Variants in SND1 observed in about 807,000 individuals in gnomAD.
SND1 encodes staphylococcal nuclease and tudor domain containing 1.
Under a neutral mutation model 121.7 loss-of-function variants are expected in SND1, and 38 were observed. That is an observed-to-expected ratio of 0.31 (90% CI 0.24 to 0.41). The LOEUF (loss-of-function observed/expected upper bound fraction) is 0.41, where lower values mean the gene tolerates loss of function less well. SND1 is among the 10% of genes least tolerant of loss of function. The probability of loss-of-function intolerance (pLI) is 1.00; values close to 1 mark genes in which losing one functional copy is unlikely to be tolerated. For missense variants in SND1, 868 were observed against 1,184.6 expected, an observed-to-expected ratio of 0.73 and a Z score of 3.92; for synonymous variants, 401 against 447.4, an observed-to-expected ratio of 0.90 and a Z score of 1.31.
At chr7:127,920,858 C>CAAAA (rs34784173) in intron 14 of SND1, among the ~76,000 whole-genome samples, 1 of 120,396 alleles carries the variant, frequency 8.3e-6, no homozygotes, top group Non-Finnish European at 1.7e-5. Flanking sequence ...CTTATCTTAA[C>CAAAA]AAAAAAAAAA....
chr7:127,839,425 G>A (rs1798924816), intron 11 of SND1, among the ~76,000 whole-genome samples: 1 of 152,124 alleles, frequency 6.6e-6, no homozygotes, highest in Non-Finnish European at 1.5e-5. Flanking sequence ...ATGTGGCTCT[G>A]CAGTTGTTTT....
At chr7:127,792,914 C>G (rs942225392) in intron 10 of SND1, among the ~76,000 whole-genome samples, 1 of 152,242 alleles carries the variant, frequency 6.6e-6, no homozygotes, top group African/African-American at 2.4e-5. Context: ...TCTTCCAGTT[C>G]TGGCTCTCTC....
At chr7:127,676,044 C>T (rs1222428129) in intron 1 of SND1, among the ~76,000 whole-genome samples, 1 of 152,178 alleles carries the variant, frequency 6.6e-6, no homozygotes, top group Non-Finnish European at 1.5e-5. Flanking sequence ...GTCTAAGCTA[C>T]AGTCTTGATT....
Position 128,030,035 on chromosome 7 carries a change from G to A in SND1, c.1779+38979G>A, listed in dbSNP as rs759912275. 19 of 1,613,262 alleles carry A rather than the reference G, an allele frequency of 1.2e-5. No individual in the cohort carries two copies. The South Asian group carries it at 1.9e-4, about 16-fold the overall frequency. On this transcript the variant is annotated intron_variant, in intron 16 of 23. Coordinates refer to ENST00000354725, the MANE Select transcript of SND1 (RefSeq NM_014390.4). ...TGTCTTTAATGTTGCACATGCCCAA[G>A]TTCAGATACTTGAGGTTGAACAGCC... is the stretch of plus-strand genomic sequence containing the variant.
In SND1 at chr7:127,817,518, G is replaced by GA. The variant is rs571851517; in HGVS notation, c.1242+9953dup. Reference sequence around the variant, plus strand: ...CTCTGCTGATACCCATTTGCCTGCAGAAAAAAAATCTGATTCCTTAAATGA... The same window carrying GA: ...CTCTGCTGATACCCATTTGCCTGCAGAAAAAAAAATCTGATTCCTTAAATGA... On this transcript the variant is annotated intron_variant, in intron 11 of 23. Transcript: ENST00000354725. Among the ~76,000 whole-genome samples the GA allele has an allele frequency of 2.2e-3, 340 of 151,806 alleles. 1 individual carries two copies. Among genetic ancestry groups the GA allele is most frequent in the Non-Finnish European group, 3.3e-3 (224 of 67,928 alleles).
intron 14 of SND1, among the ~76,000 whole-genome samples, chr7:127,914,124 G>A (rs966974015): frequency 6.6e-5 from 10 of 152,176 alleles, no homozygotes; most frequent in Admixed American, 5.2e-4. Flanking sequence ...GCCTGAAAAT[G>A]TAAGCTATTA....
At chr7:127,890,007 G>A (rs540492526) in intron 13 of SND1, among the ~76,000 whole-genome samples, 10 of 152,120 alleles carry the variant, frequency 6.6e-5, no homozygotes, top group African/African-American at 2.4e-4. Flanking sequence ...ATATCTCTTC[G>A]ATATACTAAT....
intron 16 of SND1, among the ~76,000 whole-genome samples, chr7:128,026,591 T>C (rs1020665277): frequency 6.6e-6 from 1 of 152,182 alleles, no homozygotes; most frequent in Non-Finnish European, 1.5e-5. Context: ...AAAACATGTT[T>C]AGATTATTTA....
chr7:127,846,151 T>C (rs780122674), intron 12 of SND1, among the ~76,000 whole-genome samples: 30 of 152,220 alleles, frequency 2.0e-4, no homozygotes, highest in Non-Finnish European at 3.7e-4. Context: ...TTGGTCTTAA[T>C]TGACAACCTA....
At chr7:127,810,501 C>T (rs1293307411) in intron 11 of SND1, among the ~76,000 whole-genome samples, 1 of 152,154 alleles carries the variant, frequency 6.6e-6, no homozygotes, top group African/African-American at 2.4e-5. Flanking sequence ...TTAATTTCTT[C>T]ACAGGCTCAT....
At chr7:127,978,265 G>A (rs1057205015) in intron 15 of SND1, among the ~76,000 whole-genome samples, 8 of 152,114 alleles carry the variant, frequency 5.3e-5, no homozygotes, top group East Asian at 1.9e-4. Flanking sequence ...AGGGGTTGGC[G>A]CTCAGTGGTA....
intron 11 of SND1, among the ~76,000 whole-genome samples, chr7:127,819,503 G>A (rs1798506804): frequency 6.6e-6 from 1 of 152,198 alleles, no homozygotes; most frequent in Non-Finnish European, 1.5e-5. Flanking sequence ...TTTTAAAAAT[G>A]TAGTTTTCCT....
At chr7:127,674,024 TCTC>T (rs1007358118) in intron 1 of SND1, among the ~76,000 whole-genome samples, 3 of 151,104 alleles carry the variant, frequency 2.0e-5, no homozygotes, top group African/African-American at 7.3e-5. Flanking sequence ...TCTCCTTCCT[TCTC>T]CTCCCTCCCT....
rs1406373914 is a variant in SND1, at chr7:127,756,372, T to A, written c.1152+34972T>A. On this transcript the variant is annotated intron_variant, in intron 10 of 23. Coordinates refer to ENST00000354725, the MANE Select transcript of SND1 (RefSeq NM_014390.4). ...ATGTTTATGAAAGGAATTTATCATC[T>A]AAGATAAACTGGGGCAGGAGAGCAG... Among the ~76,000 whole-genome samples, 3 of 152,254 alleles carry A rather than the reference T, an allele frequency of 2.0e-5. No individual in the cohort carries two copies. The East Asian group carries it at 5.8e-4, about 29-fold the overall frequency.
intron 13 of SND1, among the ~76,000 whole-genome samples, chr7:127,888,573 C>CATGCAT (rs1799953121): frequency 6.6e-6 from 1 of 152,146 alleles, no homozygotes. Context: ...GCCCCAAGGA[C>CATGCAT]ATGCATGCTG....
chr7:127,897,767 A>G lies in SND1; in HGVS notation c.1455-6980A>G, dbSNP rs1800148865. 2.0e-5 allele frequency among the ~76,000 whole-genome samples: 3 copies of G among 152,100 alleles called. No homozygotes were observed. The South Asian group carries it at 6.2e-4, about 32-fold the overall frequency. On this transcript the variant is annotated intron_variant, in intron 13 of 23. Coordinates refer to ENST00000354725, the MANE Select transcript of SND1 (RefSeq NM_014390.4). ...TATCTAGCAACAGGGGATTGATTAA[A>G]ATTTTGAACCATACATCCATATATG...
At chr7:127,742,959 A>G (rs1796911053) in intron 10 of SND1, among the ~76,000 whole-genome samples, 1 of 152,206 alleles carries the variant, frequency 6.6e-6, no homozygotes, top group Non-Finnish European at 1.5e-5. Flanking sequence ...GTTGTGAGGT[A>G]GAAACCAAAG....
intron 9 of SND1, 144 bp downstream of exon 9, chr7:127,707,791 G>A: frequency 1.7e-6 from 1 of 604,048 alleles, no homozygotes; most frequent in Non-Finnish European, 3.0e-6. Context: ...GTGTGTGTGT[G>A]TGTGTGTGTG....
intron 16 of SND1, among the ~76,000 whole-genome samples, chr7:128,040,437 T>TAAAAAAAA (rs67595921): frequency 1.5e-4 from 5 of 32,896 alleles, no homozygotes; most frequent in African/African-American, 3.6e-4. Context: ...GTCCTATCTT[T>TAAAAAAAA]AAAAAAAAAA....
Sources: gnomAD v4.1 joint callset for allele counts (sites outside exome capture counted in the v4.1 genomes callset) on GRCh38, gnomAD v4.1.1 for gene constraint, MANE v1.5 for transcripts, NCBI Gene and HGNC (gene_info 2026-07-23, HGNC 2026-07-21) for gene names.